The following FAT3 variants were observed in gnomAD, a reference collection of about 807,000 sequenced individuals.
FAT3 encodes protocadherin Fat 3.
A neutral mutation model predicts 310.2 loss-of-function variants in FAT3; 95 were observed. The observed-to-expected ratio is 0.31, with a 90% CI of 0.26 to 0.36. The LOEUF is 0.36. Ranked by LOEUF, FAT3 falls within the 10% of genes least tolerant of loss-of-function variation. The pLI, the probability that FAT3 is intolerant of heterozygous loss-of-function variation, is 1.00. For missense variants in FAT3, 5,408 were observed against 5,715.6 expected (o/e 0.95, Z 1.74); for synonymous variants, 2,314 against 2,192.9 (o/e 1.06, Z -1.54).
chr11:92,428,390 C>A (rs1465749855), intron 2 of FAT3, among the ~76,000 whole-genome samples: 1 of 149,780 alleles, frequency 6.7e-6, no homozygotes, highest in Non-Finnish European at 1.5e-5. Context: ...TTCAGTTCTG[C>A]TCTGATCTTG....
chr11:92,618,950 A>T (rs917639097), intron 3 of FAT3, among the ~76,000 whole-genome samples: 1 of 152,126 alleles, frequency 6.6e-6, no homozygotes, highest in Non-Finnish European at 1.5e-5. Context: ...TAAGTATTTT[A>T]CCACTAAGTA....
rs138501007 is a variant in FAT3 at position 92,772,879 on chromosome 11, C to A, written c.4196-1162C>A. On this transcript the variant is annotated intron_variant, in intron 6 of 27. Transcript: ENST00000525166. ...ATTCTCCTTCCCTTAACTGACTATTCGTAACTGTTATATAAAAGTAATATA... is the reference window on the plus strand; with the variant it reads ...ATTCTCCTTCCCTTAACTGACTATTAGTAACTGTTATATAAAAGTAATATA... Among the ~76,000 whole-genome samples, 284 of 151,856 alleles carry A rather than the reference C, an allele frequency of 1.9e-3. 1 individual carries two copies. The highest frequency in any genetic ancestry group is 2.9e-3 in the Non-Finnish European group (198 of 67,936).
rs1213928923 is a variant in FAT3, at chr11:92,896,029, C to A, written c.*4916C>A. 2 of 152,078 alleles carry A rather than the reference C, an allele frequency of 1.3e-5. No individual in the cohort carries two copies. The highest frequency in any genetic ancestry group is 1.5e-5 in the Non-Finnish European group (1 of 67,998). The allele number at this position is 152,078 out of a possible 1,614,324, so 9.4% of individuals were successfully genotyped here. ...GTTCTTACTGTTTTCATTTAACTTT[C>A]TCTGTTTTCAAGAAAAATTGTCTTT... On this transcript the variant is annotated 3_prime_UTR_variant, in exon 28 of 28. Coordinates refer to ENST00000525166, the MANE Select transcript of FAT3 (RefSeq NM_001367949.2).
intron 4 of FAT3, among the ~76,000 whole-genome samples, chr11:92,731,774 T>C (rs1468796378): frequency 6.6e-6 from 1 of 152,128 alleles, no homozygotes; most frequent in African/African-American, 2.4e-5. Context: ...GTCTGTATCC[T>C]CTCTTTATAT....
intron 2 of FAT3, among the ~76,000 whole-genome samples, chr11:92,477,276 G>A (rs988553356): frequency 1.3e-5 from 2 of 152,158 alleles, no homozygotes; most frequent in Non-Finnish European, 2.9e-5. Flanking sequence ...TGGAGTTTCT[G>A]GTGTGAAGTG....
rs1372098188 is a variant in FAT3, at chr11:92,718,830, A to G, written c.3669+21385A>G. 4.3e-4 allele frequency among the ~76,000 whole-genome samples: 66 copies of G among 152,140 alleles called. 1 individual carries two copies. The highest frequency in any genetic ancestry group is 4.3e-3 in the Admixed American group (66 of 15,268). ...CCTGATGCTTACAGTCTCATTACAG[A>G]ATGAATGCACTCTAAGTCTAATGAT... On this transcript the variant is annotated intron_variant, in intron 4 of 27. Coordinates refer to ENST00000525166, the MANE Select transcript of FAT3 (RefSeq NM_001367949.2).
At chr11:92,559,522 C>T (rs1018533285) in intron 3 of FAT3, 2 of 339,028 alleles carry the variant, frequency 5.9e-6, no homozygotes, top group Non-Finnish European at 1.2e-5. Context: ...GTAGCTGGGA[C>T]TATAGGCATG....
intron 5 of FAT3, among the ~76,000 whole-genome samples, chr11:92,763,311 A>G (rs1242907874): frequency 2.0e-5 from 3 of 152,066 alleles, no homozygotes. Context: ...GTGCTCGGTT[A>G]TGTGTCCAGA....
At chr11:92,293,548 ATATAAAT>A in intron 1 of FAT3, among the ~76,000 whole-genome samples, 3 of 17,448 alleles carry the variant, frequency 1.7e-4, no homozygotes, top group Non-Finnish European at 3.9e-4. Context: ...ATATATATAT[ATATAAAT>A]AAAATATATT....
chr11:92,647,071 A>C (rs760457842), intron 3 of FAT3, among the ~76,000 whole-genome samples: 23 of 152,110 alleles, frequency 1.5e-4, no homozygotes, highest in Non-Finnish European at 2.5e-4. Context: ...GCTCAGACCC[A>C]AGATTGAAAC....
intron 3 of FAT3, among the ~76,000 whole-genome samples, chr11:92,602,795 C>A (rs751697813): frequency 6.6e-5 from 10 of 152,118 alleles, no homozygotes; most frequent in Non-Finnish European, 1.2e-4. Flanking sequence ...ATGTGTATTA[C>A]GTATTAGGTT....
intron 11 of FAT3, among the ~76,000 whole-genome samples, chr11:92,805,569 C>T (rs202068081): frequency 7.6e-6 from 1 of 131,114 alleles, no homozygotes; most frequent in South Asian, 2.2e-4. Flanking sequence ...CTGCCCCCAA[C>T]AAAAAAAAAA....
chr11:92,411,135 AT>A (rs1234170865), intron 2 of FAT3, among the ~76,000 whole-genome samples: 40 of 110,638 alleles, frequency 3.6e-4, no homozygotes, highest in East Asian at 2.5e-3. Flanking sequence ...TATATTATAT[AT>A]TATATATATA....
chr11:92,866,881 G>T lies in FAT3; in HGVS notation c.11799G>T (p.Leu3933=), dbSNP rs760507597. 6.2e-7 allele frequency: 1 copy of T among 1,614,024 alleles called. No individual in the cohort carries two copies. The highest frequency in any genetic ancestry group is 2.2e-5 in the East Asian group (1 of 44,872). Reference sequence around the variant, plus strand: ...ACCGCAATTTCACGAGCCTGTCCCTGGATGACAGCTACGTGGAGCGGCGCC... The same window carrying T: ...ACCGCAATTTCACGAGCCTGTCCCTTGATGACAGCTACGTGGAGCGGCGCC... The part of the protein sequence containing the change: ...ELNRNFTSLS[L]DDSYVERRRA... The change falls in exon 22 of 28, where the codon CTG becomes CTT. Residue 3933 remains leucine, a synonymous_variant. Coordinates refer to ENST00000525166, the MANE Select transcript of FAT3 (RefSeq NM_001367949.2).
chr11:92,656,870 A>G (rs1186523203), intron 3 of FAT3, among the ~76,000 whole-genome samples: 1 of 151,924 alleles, frequency 6.6e-6, no homozygotes, highest in East Asian at 1.9e-4. Flanking sequence ...GTCTTTTACC[A>G]TTTATTTCTT....
intron 22 of FAT3, among the ~76,000 whole-genome samples, chr11:92,875,109 T>G (rs990806380): frequency 1.3e-5 from 2 of 151,346 alleles, no homozygotes; most frequent in African/African-American, 4.9e-5. Context: ...ACAGGTTAAT[T>G]TTCATAAACA....
intron 1 of FAT3, among the ~76,000 whole-genome samples, chr11:92,345,390 A>G (rs1286484018): frequency 6.6e-6 from 1 of 152,224 alleles, no homozygotes; most frequent in Non-Finnish European, 1.5e-5. Flanking sequence ...ACTATCAGAA[A>G]GGTAGGTAGA....
chr11:92,578,681 C>G (rs1315845765), intron 3 of FAT3, among the ~76,000 whole-genome samples: 1 of 152,104 alleles, frequency 6.6e-6, no homozygotes, highest in East Asian at 1.9e-4. Flanking sequence ...TTGCTAGTCC[C>G]TGAATCACCT....
At chr11:92,807,515 T>C (rs936024184) in intron 12 of FAT3, among the ~76,000 whole-genome samples, 3 of 152,220 alleles carry the variant, frequency 2.0e-5, no homozygotes, top group African/African-American at 7.2e-5. Context: ...GCTTCTCTTG[T>C]TTCTCGTATC....
Sources: allele counts gnomAD v4.1 joint callset (sites outside exome capture counted in the v4.1 genomes callset), GRCh38; gene constraint gnomAD v4.1.1; transcripts MANE v1.5; gene names NCBI Gene and HGNC (gene_info 2026-07-23, HGNC 2026-07-21).